PKHD1: variants seen among roughly 807,000 people sequenced by gnomAD.
PKHD1 encodes the protein fibrocystin.
A neutral mutation model predicts 412.0 loss-of-function variants in PKHD1; 291 were observed. The observed-to-expected ratio is 0.71, with a 90% CI of 0.64 to 0.78. The LOEUF is 0.78. Among genes scored for constraint, PKHD1 ranks in the 30% least tolerant of loss-of-function variants. The pLI is 0.00. For synonymous variants in PKHD1, 1,777 were observed against 1,821.5 expected, an observed-to-expected ratio of 0.98 and a Z score of 0.62; for missense variants, 4,825 against 4,950.7, an observed-to-expected ratio of 0.97 and a Z score of 0.76.
chr6:51,852,636 A>C (rs1181188054), intron 49 of PKHD1, among the ~76,000 whole-genome samples: 1 of 151,776 alleles, frequency 6.6e-6, no homozygotes, highest in Admixed American at 6.6e-5. Flanking sequence ...TTCTTGTTGC[A>C]TTGTTCCCTT....
At chr6:52,083,548 A>T (rs754238097) in intron 2 of PKHD1, among the ~76,000 whole-genome samples, 4 of 152,144 alleles carry the variant, frequency 2.6e-5, no homozygotes, top group Non-Finnish European at 4.4e-5. Flanking sequence ...CCCTGCACTC[A>T]TCAGGACAAT....
chr6:51,885,665 T>G (rs1415467374), intron 45 of PKHD1, among the ~76,000 whole-genome samples: 1 of 152,204 alleles, frequency 6.6e-6, no homozygotes, highest in East Asian at 1.9e-4. Context: ...CCTGGATTAG[T>G]GACTAGGAAT....
At chr6:51,887,337 T>C (rs1053520620) in intron 43 of PKHD1, 92 bp from the exon 44 acceptor site, 3 of 799,382 alleles carry the variant, frequency 3.8e-6, no homozygotes, top group Non-Finnish European at 6.7e-6. Flanking sequence ...ATCCCAATTT[T>C]ATATTCACTT....
At chr6:51,978,459 C>T (rs1216029242) in intron 35 of PKHD1, among the ~76,000 whole-genome samples, 1 of 152,088 alleles carries the variant, frequency 6.6e-6, no homozygotes, top group Non-Finnish European at 1.5e-5. Flanking sequence ...AGGTGAGGAA[C>T]AGGAAACACC....
At chr6:51,677,626 A>G (rs534438886) in intron 60 of PKHD1, among the ~76,000 whole-genome samples, 3 of 152,178 alleles carry the variant, frequency 2.0e-5, no homozygotes, top group African/African-American at 7.2e-5. Flanking sequence ...AAAACCAGCT[A>G]TTGCATGAAG....
At chr6:52,045,769 A>G (rs946617340) in intron 24 of PKHD1, among the ~76,000 whole-genome samples, 1 of 152,156 alleles carries the variant, frequency 6.6e-6, no homozygotes, top group Non-Finnish European at 1.5e-5. Flanking sequence ...TAACTTCACT[A>G]CCTACACTGA....
intron 52 of PKHD1, among the ~76,000 whole-genome samples, chr6:51,819,445 C>A (rs1187565230): frequency 6.6e-6 from 1 of 152,106 alleles, no homozygotes; most frequent in Non-Finnish European, 1.5e-5. Flanking sequence ...TAAATTGTTG[C>A]TTTTAGCCTT....
intron 49 of PKHD1, among the ~76,000 whole-genome samples, chr6:51,854,604 C>T (rs1772948488): frequency 6.6e-6 from 1 of 152,168 alleles, no homozygotes; most frequent in Non-Finnish European, 1.5e-5. Flanking sequence ...GATATGAATT[C>T]TGTCCCGGAG....
intron 28 of PKHD1, among the ~76,000 whole-genome samples, chr6:52,034,094 A>G (rs2128165573): frequency 6.6e-6 from 1 of 152,032 alleles, no homozygotes; most frequent in Admixed American, 6.6e-5. Flanking sequence ...GTACCACTCC[A>G]GCCTGGGCAA....
At chr6:51,866,142 G>A (rs1009278685) in intron 48 of PKHD1, among the ~76,000 whole-genome samples, 1 of 152,032 alleles carries the variant, frequency 6.6e-6, no homozygotes, top group Non-Finnish European at 1.5e-5. Context: ...AGCACATCAG[G>A]GCCAAGAGAT....
At chr6:52,059,861 ATTCT>A (rs760802558) in intron 15 of PKHD1, 63 bp downstream of exon 15, 6 of 825,098 alleles carry the variant, frequency 7.3e-6, no homozygotes, top group Non-Finnish European at 1.1e-5. Context: ...CTTAACTTTG[ATTCT>A]TTCTTTCTTC....
At chr6:51,739,005 ATGTG>A (rs148648226) in intron 60 of PKHD1, among the ~76,000 whole-genome samples, 33 of 149,088 alleles carry the variant, frequency 2.2e-4, no homozygotes, top group African/African-American at 7.1e-4. Flanking sequence ...CTCTCCTGGA[ATGTG>A]TGTGTGTGTG....
chr6:51,730,728 G>A (rs919378323), intron 60 of PKHD1, among the ~76,000 whole-genome samples: 1 of 152,146 alleles, frequency 6.6e-6, no homozygotes, highest in Non-Finnish European at 1.5e-5. Context: ...TTATGAGCTG[G>A]TTTGGTATCT....
At chr6:52,030,210 G>A (rs1233768166) in intron 29 of PKHD1, among the ~76,000 whole-genome samples, 1 of 152,182 alleles carries the variant, frequency 6.6e-6, no homozygotes. Flanking sequence ...GGTGTGGTGG[G>A]AAGACTATGA....
At chr6:51,950,220 A>ATAT (rs1554156415) in intron 36 of PKHD1, among the ~76,000 whole-genome samples, 74 of 98,304 alleles carry the variant, frequency 7.5e-4, no homozygotes, top group African/African-American at 1.7e-3. Context: ...GAAAAAAAAA[A>ATAT]ATATATATAT....
At chr6:51,644,040 A>G (rs1447636027) in intron 63 of PKHD1, among the ~76,000 whole-genome samples, 1 of 152,204 alleles carries the variant, frequency 6.6e-6, no homozygotes, top group African/African-American at 2.4e-5. Context: ...AAGACGAAGC[A>G]AGCTTTAAAA....
rs1475656512 is a variant in PKHD1 at position 51,748,100 on chromosome 6, C to G, written c.9516G>C (p.Leu3172=). 4 of 1,613,744 alleles carry G rather than the reference C, an allele frequency of 2.5e-6. No individual in the cohort carries two copies. The highest frequency in any genetic ancestry group is 3.4e-6 in the Non-Finnish European group (4 of 1,179,684). ...ENSVEIENIT[L]VDNTIGLLAV... ...CCAAAAGACCAATAGTATTGTCTAC[C>G]AGAGTAATGTTCTCTATCTCCACGC... Residue 3172 remains leucine (L), a synonymous_variant, in exon 58 of 67, where the codon CTG becomes CTC. Coordinates refer to ENST00000371117, the MANE Select transcript of PKHD1 (RefSeq NM_138694.4).
chr6:51,774,735 G>T (rs1790715890), intron 54 of PKHD1, among the ~76,000 whole-genome samples: 1 of 151,780 alleles, frequency 6.6e-6, no homozygotes, highest in Admixed American at 6.6e-5. Context: ...GACTGCTAAT[G>T]AATATTAAAT....
At chr6:51,943,873 C>T (rs1044091239) in intron 36 of PKHD1, among the ~76,000 whole-genome samples, 3 of 151,434 alleles carry the variant, frequency 2.0e-5, no homozygotes, top group African/African-American at 4.8e-5. Context: ...CGAAGCAGCC[C>T]TGAGAAACAT....
Sources: gnomAD v4.1 joint callset for allele counts (sites outside exome capture counted in the v4.1 genomes callset) on GRCh38, gnomAD v4.1.1 for gene constraint, MANE v1.5 for transcripts, NCBI Gene and HGNC (gene_info 2026-07-23, HGNC 2026-07-21) for gene names.